The following HCN2 variants were observed in gnomAD, a reference collection of about 807,000 sequenced individuals.
HCN2 encodes the protein hyperpolarization activated cyclic nucleotide gated potassium and sodium channel 2.
A neutral mutation model predicts 52.3 loss-of-function variants in HCN2; 20 were observed. The observed-to-expected ratio is 0.38, with a 90% CI of 0.27 to 0.56. The LOEUF is 0.56. Ranked by LOEUF, HCN2 falls within the 20% of genes least tolerant of loss-of-function variation. HCN2 has a pLI of 0.71. For missense variants in HCN2, 981 were observed against 1,207.7 expected (o/e 0.81, Z 2.78); for synonymous variants, 694 against 537.0 (o/e 1.29, Z -4.04).
intron 3 of HCN2, 108 bp downstream of exon 3, chr19:605,330 G>A: frequency 9.9e-7 from 1 of 1,013,922 alleles, no homozygotes; most frequent in Non-Finnish European, 1.4e-6. Flanking sequence ...GCCTTTCAGA[G>A]GTGGGGACCC....
At chr19:615,508 CG>C (rs1406522850) in intron 7 of HCN2, among the ~76,000 whole-genome samples, 1 of 152,142 alleles carries the variant, frequency 6.6e-6, no homozygotes, top group Non-Finnish European at 1.5e-5. Context: ...AGCAAGACTC[CG>C]TCTCAGAAAC....
rs1477875370 is a variant in HCN2, at chr19:592,313, T to C, written c.632+1736T>C. 3.3e-5 allele frequency among the ~76,000 whole-genome samples: 5 copies of C among 152,106 alleles called. No individual in the cohort carries two copies. Among genetic ancestry groups the C allele is most frequent in the African/African-American group, 1.2e-4 (5 of 41,420 alleles). ...GTGGAGGCCCACACCAGCCACTCCC[T>C]CCCCTGGGCAGCTCCAGCGACCCCC... On this transcript the variant is annotated intron_variant, in intron 1 of 7. Transcript: ENST00000251287. This position sits in a 1 kb window ranked among gnomAD's most constrained non-coding sequence, Gnocchi z 4.8.
intron 3 of HCN2, 82 bp downstream of exon 3, chr19:605,304 AG>A (rs1983386088): frequency 3.7e-6 from 5 of 1,362,234 alleles, no homozygotes; most frequent in Admixed American, 2.3e-5. Context: ...TCCCGCTTAC[AG>A]AGGGTTGAAC....
intron 1 of HCN2, among the ~76,000 whole-genome samples, chr19:593,521 G>A (rs926795274): frequency 1.3e-5 from 2 of 152,230 alleles, no homozygotes; most frequent in Non-Finnish European, 2.9e-5. Flanking sequence ...TCGGGAGGCT[G>A]AGGCAGGAGA....
At chr19:600,167 TTGTTTTGTTG>T (rs1983158809) in intron 1 of HCN2, among the ~76,000 whole-genome samples, 1 of 152,068 alleles carries the variant, frequency 6.6e-6, no homozygotes, top group African/African-American at 2.4e-5. Context: ...CCAGAGGTTT[TTGTTTTGTTG>T]TGTTTTGTTC....
At chr19:598,102 C>T (rs976225117) in intron 1 of HCN2, among the ~76,000 whole-genome samples, 10 of 152,174 alleles carry the variant, frequency 6.6e-5, no homozygotes, top group South Asian at 2.1e-4. Flanking sequence ...AGGGGGCCAG[C>T]GGCAGGCGGG....
At chr19:609,471 G>C (rs1262842200) in intron 4 of HCN2, among the ~76,000 whole-genome samples, 1 of 152,204 alleles carries the variant, frequency 6.6e-6, no homozygotes, top group Non-Finnish European at 1.5e-5. Flanking sequence ...GCTAGATAAA[G>C]TTCAGGGCAC....
intron 1 of HCN2, among the ~76,000 whole-genome samples, chr19:596,737 T>G (rs1389525821): frequency 6.6e-6 from 1 of 152,118 alleles, no homozygotes; most frequent in Non-Finnish European, 1.5e-5. Context: ...CGGACGCGGC[T>G]GCACAGAGTG....
At position 590,366 on chromosome 19, in the gene HCN2, G is replaced by A; in HGVS notation, c.421G>A (p.Ala141Thr). The change falls in exon 1 of 8, where the codon GCG becomes ACG. Residue 141 changes from alanine to threonine, a missense_variant. Around this residue, in one of 6 missense-constraint regions of HCN2, gnomAD observed 215 missense variants for 179.4 expected, o/e 1.20. Transcript: ENST00000251287. This position sits in a 1 kb window ranked among gnomAD's most constrained non-coding sequence, Gnocchi z 7.2. ...GGGGCCCGCGCCGGGGCCGGGGCCG[G>A]CGGAGGAGGCGGGCAGCGAGGAGGC... ...ASGPAPGPGP[A>T]EEAGSEEAGP... is the part of the protein sequence containing the mutation. The A allele has an allele frequency of 8.7e-7, 1 of 1,153,378 alleles. No individual in the cohort carries two copies. The highest frequency in any genetic ancestry group is 4.1e-5 in the East Asian group (1 of 24,436). 71.4% of individuals were successfully genotyped at this position (1,153,378 alleles called of 1,614,324 possible).
At chr19:613,786 T>C in intron 6 of HCN2, 66 bp from the exon 7 acceptor site, 11 of 1,409,836 alleles carry the variant, frequency 7.8e-6, no homozygotes, top group Non-Finnish European at 1.0e-5. Flanking sequence ...CCGGGCCGTG[T>C]GCCTGGGCGG....
chr19:611,325 G>A (rs1355213026), intron 5 of HCN2, among the ~76,000 whole-genome samples: 1 of 152,224 alleles, frequency 6.6e-6, no homozygotes, highest in Non-Finnish European at 1.5e-5. Context: ...GATCACGCAG[G>A]CAGCAGAGAG....
In HCN2 at chr19:612,144, CAAAA is replaced by C. The variant is rs911099931; in HGVS notation, c.1585-1094_1585-1091del. ...TGGACAACAGAGCGAGACTCCGTCT[CAAAA>C]AAAAAAAAAGTACCAAAAAGTGCCC... On this transcript the variant is annotated intron_variant, in intron 5 of 7. Coordinates refer to ENST00000251287, the MANE Select transcript of HCN2 (RefSeq NM_001194.4). Among the ~76,000 whole-genome samples, 38 of 135,712 alleles carry C rather than the reference CAAAA, an allele frequency of 2.8e-4. 1 individual carries two copies. The highest frequency in any genetic ancestry group is 8.6e-4 in the African/African-American group (32 of 37,052). 89.0% of individuals were successfully genotyped at this position (135,712 alleles called of 152,430 possible). A position where few individuals can be genotyped will look rare whatever the true frequency, so the allele number is the denominator to read the frequency against.
At chr19:599,414 C>T (rs1016822884) in intron 1 of HCN2, among the ~76,000 whole-genome samples, 7 of 152,168 alleles carry the variant, frequency 4.6e-5, no homozygotes, top group South Asian at 4.1e-4. Flanking sequence ...TCCAGTCCCT[C>T]AGCATCTCCT....
rs147575578 is a variant in HCN2, at chr19:614,015, C to G, written c.1989C>G (p.Ile663Met). Reference protein sequence around the residue: ...ETVAIDRLDRIGKKNSILLHK... With the variant: ...ETVAIDRLDRMGKKNSILLHK... ...TGGCCATCGACCGCCTGGACCGCAT[C>G]GGTGAGCGGGCCGGGGGCGTGGCCG... The change falls in exon 7 of 8, where the codon ATC becomes ATG. Residue 663 changes from isoleucine to methionine, a missense_variant and splice_region_variant. By Grantham distance (10) the Ile-to-Met change is conservative. Coordinates refer to ENST00000251287, the MANE Select transcript of HCN2 (RefSeq NM_001194.4). 4.8e-6 allele frequency: 5 copies of G among 1,042,918 alleles called. No individual in the cohort carries two copies. The highest frequency in any genetic ancestry group is 6.5e-6 in the Non-Finnish European group (5 of 769,912). The allele number at this position is 1,042,918 out of a possible 1,614,324, so 64.6% of individuals were successfully genotyped here. A position where few individuals can be genotyped will look rare whatever the true frequency, so the allele number is the denominator to read the frequency against.
chr19:604,926 C>A (rs949401227), intron 2 of HCN2, 135 bp from the exon 3 acceptor site: 1 of 734,106 alleles, frequency 1.4e-6, no homozygotes, highest in Non-Finnish European at 1.9e-6. Flanking sequence ...CAGGGTGGGG[C>A]GGGGGTCCTG....
At chr19:612,839 T>A (rs1983701525) in intron 5 of HCN2, among the ~76,000 whole-genome samples, 1 of 125,042 alleles carries the variant, frequency 8.0e-6, no homozygotes, top group African/African-American at 3.8e-5. Context: ...CCACCACGCC[T>A]GGCTGTTTTT....
intron 1 of HCN2, among the ~76,000 whole-genome samples, chr19:598,145 C>G: frequency 6.6e-6 from 1 of 152,170 alleles, no homozygotes; most frequent in African/African-American, 2.4e-5. Context: ...GTGCTGGGGC[C>G]CTGGGGGTCT....
chr19:606,157 T>A (rs1983421074), intron 3 of HCN2, among the ~76,000 whole-genome samples: 1 of 152,146 alleles, frequency 6.6e-6, no homozygotes, highest in East Asian at 1.9e-4. Context: ...TGGAGTGCAG[T>A]GGCACGATCT....
Position 608,611 on chromosome 19 carries a change from G to T in HCN2, c.1437+429G>T, listed in dbSNP as rs1245429582. 2.0e-5 allele frequency among the ~76,000 whole-genome samples: 3 copies of T among 152,104 alleles called. No homozygotes were observed. In the East Asian group the frequency reaches 5.8e-4, roughly 30 times the overall value. On this transcript the variant is annotated intron_variant, in intron 4 of 7. Transcript: ENST00000251287. ...GGCGGGGGCTGGGGAGGGGATGCAG[G>T]CTGGGCAGGAAGGGGTGAGTTGGGA...
Sources: allele counts gnomAD v4.1 joint callset (sites outside exome capture counted in the v4.1 genomes callset), GRCh38; gene constraint gnomAD v4.1.1; regional missense constraint gnomAD v4.1.1; non-coding constraint Gnocchi (gnomAD v3.1); transcripts MANE v1.5; gene names NCBI Gene and HGNC (gene_info 2026-07-23, HGNC 2026-07-21).